SRPK2: variants seen among roughly 807,000 people sequenced by gnomAD.
SRPK2 encodes SFRS protein kinase 2.
A neutral mutation model predicts 90.8 loss-of-function variants in SRPK2; 21 were observed. The ratio of observed to expected loss-of-function variants is 0.23; its 90% CI spans 0.16 to 0.33. The LOEUF (loss-of-function observed/expected upper bound fraction) is 0.33, where lower values mean the gene tolerates loss of function less well. Ranked by LOEUF, SRPK2 falls within the 10% of genes least tolerant of loss-of-function variation. SRPK2 has a pLI of 1.00. For missense variants in SRPK2, 620 were observed against 869.0 expected (o/e 0.71, Z 3.60); for synonymous variants, 288 against 311.1 (o/e 0.93, Z 0.78).
chr7:105,202,272 A>C (rs988868507), intron 3 of SRPK2, among the ~76,000 whole-genome samples: 1 of 152,346 alleles, frequency 6.6e-6, no homozygotes, highest in East Asian at 1.9e-4. Context: ...CAAATGATCT[A>C]TATCTACTAG....
At chr7:105,358,726 ATATATT>A (rs1017387407) in intron 2 of SRPK2, among the ~76,000 whole-genome samples, 5 of 152,020 alleles carry the variant, frequency 3.3e-5, no homozygotes, top group African/African-American at 1.2e-4. Context: ...GGAAGAGAAA[ATATATT>A]TACTATTTGT....
intron 3 of SRPK2, among the ~76,000 whole-genome samples, chr7:105,180,284 C>T (rs1345160929): frequency 6.6e-6 from 1 of 152,142 alleles, no homozygotes; most frequent in African/African-American, 2.4e-5. Context: ...CACCTACAAC[C>T]AGCTGATCTT....
intron 2 of SRPK2, among the ~76,000 whole-genome samples, chr7:105,347,464 C>T (rs1816599668): frequency 6.6e-6 from 1 of 152,066 alleles, no homozygotes; most frequent in African/African-American, 2.4e-5. Flanking sequence ...GCTGGGATCA[C>T]AGGAGTGAGC....
intron 2 of SRPK2, among the ~76,000 whole-genome samples, chr7:105,376,834 GC>G (rs1163578963): frequency 6.2e-5 from 2 of 32,434 alleles, no homozygotes; most frequent in African/African-American, 1.2e-4. Context: ...CACCACGCCC[GC>G]CCCCCCACCC....
intron 1 of SRPK2, among the ~76,000 whole-genome samples, chr7:105,396,760 AAG>A (rs914983818): frequency 1.7e-4 from 24 of 142,582 alleles, no homozygotes; most frequent in South Asian, 6.7e-4. Flanking sequence ...GAGGAGAGGA[AAG>A]AGAGAGAAAG....
At chr7:105,258,127 C>T (rs527859041) in intron 2 of SRPK2, among the ~76,000 whole-genome samples, 2 of 148,156 alleles carry the variant, frequency 1.3e-5, no homozygotes, top group South Asian at 2.1e-4. Context: ...AAAAGGAAAG[C>T]ATGATATGAG....
At chr7:105,336,949 C>G (rs1367914625) in intron 2 of SRPK2, among the ~76,000 whole-genome samples, 1 of 151,816 alleles carries the variant, frequency 6.6e-6, no homozygotes, top group Non-Finnish European at 1.5e-5. Context: ...TTACAGGCAC[C>G]CGCCACCACA....
intron 2 of SRPK2, among the ~76,000 whole-genome samples, chr7:105,335,948 C>G (rs1242939926): frequency 6.6e-6 from 1 of 150,532 alleles, no homozygotes; most frequent in Non-Finnish European, 1.5e-5. Flanking sequence ...TAGAGCAAAA[C>G]TCCATCTAAA....
chr7:105,179,128 G>A (rs1033414578), intron 3 of SRPK2, among the ~76,000 whole-genome samples: 45 of 152,162 alleles, frequency 3.0e-4, no homozygotes, highest in African/African-American at 9.9e-4. Flanking sequence ...TACCTAAAAT[G>A]TTCATGTCAA....
At chr7:105,358,306 T>C (rs1280227961) in intron 2 of SRPK2, among the ~76,000 whole-genome samples, 1 of 150,568 alleles carries the variant, frequency 6.6e-6, no homozygotes, top group African/African-American at 2.4e-5. Context: ...ACATAAACAG[T>C]AGATAACACA....
At chr7:105,257,104 A>G (rs1020125637) in intron 2 of SRPK2, among the ~76,000 whole-genome samples, 3 of 152,244 alleles carry the variant, frequency 2.0e-5, no homozygotes, top group African/African-American at 7.2e-5. Flanking sequence ...GATATTCTGT[A>G]CAAAACCTAC....
chr7:105,286,552 T>C (rs988147036), intron 2 of SRPK2, among the ~76,000 whole-genome samples: 3 of 152,212 alleles, frequency 2.0e-5, no homozygotes, highest in African/African-American at 7.2e-5. Flanking sequence ...TTAATTTTAC[T>C]CTTCATGCTA....
chr7:105,135,600 G>A (rs1014201561), intron 11 of SRPK2, among the ~76,000 whole-genome samples: 1 of 152,198 alleles, frequency 6.6e-6, no homozygotes, highest in Non-Finnish European at 1.5e-5. Flanking sequence ...AACAGTAGCC[G>A]AGTTGGCTGT....
chr7:105,170,913 AAGG>A lies in SRPK2; in HGVS notation c.230-1651_230-1649del, dbSNP rs1469963044. ...AAAGAAAGAAAGAAAGAAAGAAAGA[AAGG>A]AGAAAGAAAAAGAAAAAGGAAAGAA... is the stretch of plus-strand genomic sequence containing the variant. On this transcript the variant is annotated intron_variant, in intron 3 of 15. Transcript: ENST00000393651. 2.5e-3 allele frequency among the ~76,000 whole-genome samples: 306 copies of A among 124,600 alleles called. 4 individuals are homozygous for A. The highest frequency in any genetic ancestry group is 7.8e-3 in the Middle Eastern group (2 of 258). The allele number at this position is 124,600 out of a possible 152,430, so 81.7% of individuals were successfully genotyped here. A position where few individuals can be genotyped will look rare whatever the true frequency, so the allele number is the denominator to read the frequency against.
chr7:105,119,721 G>T (rs567544552), intron 15 of SRPK2, among the ~76,000 whole-genome samples: 79 of 152,260 alleles, frequency 5.2e-4, no homozygotes, highest in Non-Finnish European at 9.7e-4. Context: ...GAGACTGCAG[G>T]TTTATCCCTC....
At chr7:105,281,543 C>A (rs538681285) in intron 2 of SRPK2, among the ~76,000 whole-genome samples, 1 of 152,066 alleles carries the variant, frequency 6.6e-6, no homozygotes, top group Admixed American at 6.6e-5. Context: ...GTCCTAGCTA[C>A]GTGGAGACTG....
At position 105,341,425 on chromosome 7, in the gene SRPK2, C is replaced by A. The variant is rs557811156; in HGVS notation, c.71+47223G>T. 4.0e-5 allele frequency among the ~76,000 whole-genome samples: 6 copies of A among 150,678 alleles called. No homozygotes were observed. The South Asian group carries it at 1.3e-3, about 32-fold the overall frequency. ...GCATACCTCATGCCTGTAATCCCAG[C>A]ACTTCGAGAGGCCAAGGCAGCTGGA... is the stretch of plus-strand genomic sequence containing the variant. On this transcript the variant is annotated intron_variant, in intron 2 of 15. Coordinates refer to ENST00000393651, the MANE Select transcript of SRPK2 (RefSeq NM_182692.3).
intron 2 of SRPK2, among the ~76,000 whole-genome samples, chr7:105,295,284 C>T (rs1280834182): frequency 4.0e-5 from 6 of 150,668 alleles, no homozygotes; most frequent in East Asian, 1.9e-4. Context: ...ATTTATATAA[C>T]GTTTTAATAT....
chr7:105,374,282 C>T (rs1289472311), intron 2 of SRPK2, among the ~76,000 whole-genome samples: 17 of 152,182 alleles, frequency 1.1e-4, no homozygotes, highest in Admixed American at 1.1e-3. Context: ...GTCAAAAAAA[C>T]CTTTAATTTT....
Sources: gnomAD v4.1 joint callset for allele counts (sites outside exome capture counted in the v4.1 genomes callset) on GRCh38, gnomAD v4.1.1 for gene constraint, MANE v1.5 for transcripts, NCBI Gene and HGNC (gene_info 2026-07-23, HGNC 2026-07-21) for gene names.